The following UMAD1 variants were observed in gnomAD, a reference collection of about 807,000 sequenced individuals.
UMAD1 encodes the protein UBAP1-MVB12-associated (UMA) domain containing 1, also known as UBAP1-MVB12-associated (UMA)-domain containing protein 1.
A neutral mutation model predicts 6.1 loss-of-function variants in UMAD1; 8 were observed. The ratio of observed to expected loss-of-function variants is 1.30; its 90% CI spans 0.76 to 2.35. UMAD1 has a LOEUF of 2.35. Ranked by LOEUF, UMAD1 falls within the 30% of genes most tolerant of loss-of-function variation. UMAD1 has a pLI of 0.00. For missense variants in UMAD1, 130 were observed against 78.4 expected (o/e 1.66, Z -2.49); for synonymous variants, 56 against 31.4 (o/e 1.78, Z -2.61).
chr7:7,836,154 C>T (rs531185209), intron 3 of UMAD1, among the ~76,000 whole-genome samples: 85 of 152,072 alleles, frequency 5.6e-4, no homozygotes, highest in African/African-American at 2.0e-3. Context: ...TATTTAACAG[C>T]TTTTAATGCT....
At chr7:7,796,159 AG>A (rs545427046) in intron 2 of UMAD1, among the ~76,000 whole-genome samples, 181 of 152,080 alleles carry the variant, frequency 1.2e-3, no homozygotes, top group Non-Finnish European at 2.2e-3. Flanking sequence ...GTGACCTCAC[AG>A]GGTTAACAGG....
intron 1 of UMAD1, among the ~76,000 whole-genome samples, chr7:7,656,891 C>G (rs919984104): frequency 7.9e-5 from 12 of 152,252 alleles, no homozygotes; most frequent in African/African-American, 2.9e-4. Context: ...AATCACCACA[C>G]TGACTTCCAC....
chr7:7,825,959 A>G (rs1377863008), intron 3 of UMAD1, among the ~76,000 whole-genome samples: 6 of 152,196 alleles, frequency 3.9e-5, no homozygotes, highest in African/African-American at 1.4e-4. Flanking sequence ...ACTATAAGTC[A>G]TCTTTAGATT....
chr7:7,856,943 A>C (rs546657051), intron 3 of UMAD1, among the ~76,000 whole-genome samples: 49 of 152,234 alleles, frequency 3.2e-4, no homozygotes, highest in Non-Finnish European at 6.0e-4. Flanking sequence ...TCGTCTACTC[A>C]GAATTTAAAA....
chr7:7,760,486 C>A (rs1281195644), intron 2 of UMAD1, among the ~76,000 whole-genome samples: 2 of 149,730 alleles, frequency 1.3e-5, no homozygotes, highest in African/African-American at 2.5e-5. Flanking sequence ...TATTATACAC[C>A]AATAGATAAC....
At chr7:7,701,477 T>C (rs1259446761) in intron 2 of UMAD1, among the ~76,000 whole-genome samples, 1 of 152,236 alleles carries the variant, frequency 6.6e-6, no homozygotes, top group African/African-American at 2.4e-5. Flanking sequence ...TGCTAGAGAC[T>C]TTCTCAGTGC....
intron 2 of UMAD1, among the ~76,000 whole-genome samples, chr7:7,737,532 A>G (rs1781384608): frequency 1.3e-5 from 2 of 151,012 alleles, no homozygotes; most frequent in African/African-American, 4.9e-5. Context: ...AAAACAAACT[A>G]CTGCCACAGC....
rs555781343 is a variant in UMAD1 at position 7,645,482 on chromosome 7, G to C, written c.-64+4661G>C. Among the ~76,000 whole-genome samples the C allele has an allele frequency of 2.6e-5, 4 of 152,294 alleles. 1 individual carries two copies. The highest frequency in any genetic ancestry group is 9.6e-5 in the African/African-American group (4 of 41,562). ...TGGTTATCTCATAGGCCAGGTAAGT[G>C]ATGGAGCTTCAGCTATCAAGTAAAT... On this transcript the variant is annotated intron_variant, in intron 1 of 3. Coordinates refer to ENST00000682710, the MANE Select transcript of UMAD1 (RefSeq NM_001302348.2).
intron 3 of UMAD1, among the ~76,000 whole-genome samples, chr7:7,821,169 G>A (rs1321805489): frequency 6.6e-6 from 1 of 152,048 alleles, no homozygotes; most frequent in Admixed American, 6.6e-5. Flanking sequence ...TTAAAACAAA[G>A]CTTTCCCCCC....
At chr7:7,755,148 T>C (rs903100446) in intron 2 of UMAD1, among the ~76,000 whole-genome samples, 8 of 152,192 alleles carry the variant, frequency 5.3e-5, no homozygotes, top group African/African-American at 1.9e-4. Context: ...GCTATTTTAA[T>C]ATGGGGATTA....
rs1012497945 is a variant in UMAD1, at chr7:7,759,352, G to C, written c.83-42318G>C. On this transcript the variant is annotated intron_variant, in intron 2 of 3. Coordinates refer to ENST00000682710, the MANE Select transcript of UMAD1 (RefSeq NM_001302348.2). ...AAACATATAAATAATATATTTTAAA[G>C]TATGTTGTCTACATGTGCTGGGTCA... Among the ~76,000 whole-genome samples the C allele has an allele frequency of 1.1e-4, 16 of 152,262 alleles. No homozygotes were observed. The Middle Eastern group carries it at 0.01, about 97-fold the overall frequency.
At chr7:7,841,099 A>G (rs1783671283) in intron 3 of UMAD1, among the ~76,000 whole-genome samples, 1 of 152,204 alleles carries the variant, frequency 6.6e-6, no homozygotes, top group South Asian at 2.1e-4. Flanking sequence ...GATTAAACAT[A>G]TAACATTCTA....
chr7:7,644,060 C>A (rs545516439), intron 1 of UMAD1, among the ~76,000 whole-genome samples: 1 of 152,270 alleles, frequency 6.6e-6, no homozygotes, highest in African/African-American at 2.4e-5. Flanking sequence ...ACTCTCTTAC[C>A]TGGAGTATAA....
intron 2 of UMAD1, among the ~76,000 whole-genome samples, chr7:7,737,587 A>G (rs1156714406): frequency 2.6e-5 from 4 of 152,230 alleles, no homozygotes; most frequent in African/African-American, 9.6e-5. Context: ...GTATTATTTG[A>G]TTCATTTCAC....
At chr7:7,703,756 G>T (rs1397258667) in intron 2 of UMAD1, among the ~76,000 whole-genome samples, 1 of 152,092 alleles carries the variant, frequency 6.6e-6, no homozygotes, top group Non-Finnish European at 1.5e-5. Context: ...CCTGGGCAAC[G>T]TGGCGAAACC....
chr7:7,672,186 G>A (rs774583357), intron 1 of UMAD1, among the ~76,000 whole-genome samples: 1 of 152,104 alleles, frequency 6.6e-6, no homozygotes, highest in Non-Finnish European at 1.5e-5. Context: ...CTGCCACCAG[G>A]ATTATTCTTT....
intron 3 of UMAD1, among the ~76,000 whole-genome samples, chr7:7,828,305 C>G (rs185484598): frequency 2.3e-4 from 35 of 152,228 alleles, no homozygotes; most frequent in African/African-American, 7.7e-4. Context: ...GAGTACAGTG[C>G]ATGCACATAT....
chr7:7,662,498 C>T (rs563802494), intron 1 of UMAD1, among the ~76,000 whole-genome samples: 3 of 152,276 alleles, frequency 2.0e-5, no homozygotes, highest in South Asian at 2.1e-4. Context: ...GTGGGAAAAG[C>T]GTAGTATCCG....
chr7:7,663,334 G>C (rs1048821479), intron 1 of UMAD1, among the ~76,000 whole-genome samples: 44 of 138,024 alleles, frequency 3.2e-4, no homozygotes, highest in African/African-American at 1.1e-3. Context: ...AAATAAGAGA[G>C]GTGGAAGTAA....
Sources: gnomAD v4.1 joint callset for allele counts (sites outside exome capture counted in the v4.1 genomes callset) on GRCh38, gnomAD v4.1.1 for gene constraint, MANE v1.5 for transcripts, NCBI Gene and HGNC (gene_info 2026-07-23, HGNC 2026-07-21) for gene names.